STARD8: variants seen among roughly 807,000 people sequenced by gnomAD.
STARD8 encodes StAR related lipid transfer domain containing 8, also known as stAR-related lipid transfer protein 8.
STARD8 carries 25 observed loss-of-function variants against 69.4 expected under a neutral mutation model. The ratio of observed to expected loss-of-function variants is 0.36; its 90% CI spans 0.26 to 0.50. The LOEUF is 0.50. Ranked by LOEUF, STARD8 falls within the 20% of genes least tolerant of loss-of-function variation. The probability of loss-of-function intolerance (pLI) is 0.96; values close to 1 mark genes in which losing one functional copy is unlikely to be tolerated. For synonymous variants in STARD8, 389 were observed against 374.6 expected (o/e 1.04, Z -0.45); for missense variants, 921 against 932.5 (o/e 0.99, Z 0.16).
At chrX:68,714,431 C>T (rs762377255) in intron 3 of STARD8, among the ~76,000 whole-genome samples, 113 of 112,246 alleles carry the variant, frequency 1.0e-3, no homozygotes, top group Non-Finnish European at 1.9e-3. Context: ...GGCTGCTTCT[C>T]ATCTTTCAGG....
chrX:68,700,770 G>A (rs771110373), intron 2 of STARD8, among the ~76,000 whole-genome samples: 1 of 111,812 alleles, frequency 8.9e-6, no homozygotes, highest in African/African-American at 3.3e-5. Context: ...AGGGGTCAGA[G>A]TGGAGCAGAA....
At chrX:68,650,051 T>G (rs1242894557) in intron 1 of STARD8, among the ~76,000 whole-genome samples, 7 of 111,057 alleles carry the variant, frequency 6.3e-5, no homozygotes, top group South Asian at 3.9e-4. Context: ...TTGGCATGGA[T>G]TTAAATCTCT....
At chrX:68,684,847 C>A (rs1374361818) in intron 2 of STARD8, among the ~76,000 whole-genome samples, 1 of 112,730 alleles carries the variant, frequency 8.9e-6, no homozygotes, top group Non-Finnish European at 1.9e-5. Context: ...GGTTCTGAAA[C>A]AAACTCACTG....
chrX:68,678,169 G>A (rs2079778469), intron 2 of STARD8, among the ~76,000 whole-genome samples: 1 of 111,151 alleles, frequency 9.0e-6, no homozygotes, highest in Non-Finnish European at 1.9e-5. Context: ...AGGTGGGTGG[G>A]GTCAAAGAAG....
chrX:68,712,003 G>C (rs192965406), intron 2 of STARD8, among the ~76,000 whole-genome samples: 1 of 112,855 alleles, frequency 8.9e-6, no homozygotes, highest in African/African-American at 3.2e-5. Context: ...GGGCTTTGCT[G>C]CTGGTATTTG....
At chrX:68,674,582 A>G (rs1010232724) in intron 2 of STARD8, among the ~76,000 whole-genome samples, 2 of 111,017 alleles carry the variant, frequency 1.8e-5, no homozygotes, top group Non-Finnish European at 3.8e-5. Flanking sequence ...TGCTCCATTC[A>G]TGCATCCATC....
chrX:68,684,296 G>C (rs746627653), intron 2 of STARD8, among the ~76,000 whole-genome samples: 1 of 112,534 alleles, frequency 8.9e-6, no homozygotes, highest in African/African-American at 3.2e-5. Flanking sequence ...CCAGCAACAG[G>C]GCTCTGTGAC....
chrX:68,722,643 G>A lies in STARD8; in HGVS notation c.2796G>A (p.Arg932=). 1 of 1,210,915 alleles carries A rather than the reference G, an allele frequency of 8.3e-7. No homozygotes were observed. Among genetic ancestry groups the A allele is most frequent in the Non-Finnish European group, 1.1e-6 (1 of 894,968 alleles). Residue 932 remains arginine (R), a synonymous_variant, in exon 12 of 15, where the codon AGG becomes AGA. Transcript: ENST00000374599. The part of the protein sequence containing the change: ...PGPQHTELAC[R]KAPDGHPLRL... ...CCCAGCACACGGAGCTGGCTTGCAG[G>A]AAGGTGAGTGCCACACCACGGGTGG...
At chrX:68,663,304 G>A (rs1299132023) in intron 1 of STARD8, among the ~76,000 whole-genome samples, 2 of 111,797 alleles carry the variant, frequency 1.8e-5, no homozygotes, top group Non-Finnish European at 3.8e-5. Flanking sequence ...ACCTCAGAGA[G>A]AAAAAAATAG....
chrX:68,723,641 C>G lies in STARD8; in HGVS notation c.2815C>G (p.Pro939Ala), dbSNP rs2080170735. ...TGGCTCACAGGCACCGGATGGGCACCCCCTGCGGCTATGGAAGGCATCCAC... is the reference window on the plus strand; with the variant it reads ...TGGCTCACAGGCACCGGATGGGCACGCCCTGCGGCTATGGAAGGCATCCAC... ...LACRKAPDGH[P>A]LRLWKASTEV... The change falls in exon 13 of 15, where the codon CCC (proline) becomes GCC (alanine). Residue 939 changes from proline to alanine, a missense_variant. Coordinates refer to ENST00000374599, the MANE Select transcript of STARD8 (RefSeq NM_001142503.3). The G allele has an allele frequency of 5.9e-6, 7 of 1,194,546 alleles. No individual in the cohort carries two copies. Among genetic ancestry groups the G allele is most frequent in the Middle Eastern group, 2.3e-4 (1 of 4,308 alleles).
Position 68,724,085 on chromosome X carries a change from G to A in STARD8, c.3158G>A (p.Arg1053His), listed in dbSNP as rs781687342. The A allele has an allele frequency of 5.0e-6, 6 of 1,209,850 alleles. No homozygotes were observed. Among genetic ancestry groups the A allele is most frequent in the South Asian group, 3.5e-5 (2 of 56,794 alleles). Reference sequence around the variant, plus strand: ...CTCATGGAGCCTTGCGGCTTGGGCCGCTCTCGGCTCACACACATCTGCCGG... The same window carrying A: ...CTCATGGAGCCTTGCGGCTTGGGCCACTCTCGGCTCACACACATCTGCCGG... ...QYLMEPCGLG[R>H]SRLTHICRAD... The change falls in exon 14 of 15, where the codon CGC becomes CAC. Residue 1053 changes from arginine to histidine, a missense_variant. Physicochemically the swap from Arg to His is conservative, Grantham distance 29. Coordinates refer to ENST00000374599, the MANE Select transcript of STARD8 (RefSeq NM_001142503.3).
Position 68,722,524 on chromosome X carries a change from G to A in STARD8, c.2677G>A (p.Gly893Arg). Residue 893 changes from glycine (G) to arginine (R), a missense_variant, in exon 12 of 15, where the codon GGG becomes AGG. By Grantham distance (125) the Gly-to-Arg change is moderately radical. Transcript: ENST00000374599. ...LAELRQAQAA[G>R]VSLSLYMEEN... ...TGAGCTGCGTCAGGCCCAAGCTGCA[G>A]GGGTAAGCCTGAGCCTCTACATGGA... The A allele has an allele frequency of 3.3e-6, 4 of 1,210,537 alleles. No individual in the cohort carries two copies. Among genetic ancestry groups the A allele is most frequent in the South Asian group, 3.5e-5 (2 of 56,852 alleles).
rs1435342499 is a variant in STARD8, at chrX:68,696,675, C to T, written c.80-16239C>T. On this transcript the variant is annotated intron_variant, in intron 2 of 14. Transcript: ENST00000374599. ...CAAATTCTCCGACTCTGGGTTTCTC[C>T]TCATTTTTTCCACTTCACTGGATTA... Among the ~76,000 whole-genome samples the T allele has an allele frequency of 2.3e-4, 26 of 111,487 alleles. No homozygotes were observed. In the Admixed American group the frequency reaches 2.4e-3, roughly 10 times the overall value.
chrX:68,651,506 CCT>C (rs965927049), intron 1 of STARD8, among the ~76,000 whole-genome samples: 2 of 112,233 alleles, frequency 1.8e-5, no homozygotes, highest in Non-Finnish European at 1.9e-5. Context: ...AGCCAGGCCC[CCT>C]GAGTGCGGGA....
At chrX:68,703,232 C>A (rs761136608) in intron 2 of STARD8, among the ~76,000 whole-genome samples, 9 of 112,037 alleles carry the variant, frequency 8.0e-5, no homozygotes, top group Non-Finnish European at 1.5e-4. Flanking sequence ...TACACTCCAG[C>A]CCTGGTGACA....
At chrX:68,653,743 C>A (rs1040423660) in intron 1 of STARD8, among the ~76,000 whole-genome samples, 2 of 97,369 alleles carry the variant, frequency 2.1e-5, no homozygotes, top group African/African-American at 7.5e-5. Context: ...ACACCACACG[C>A]CACACACACA....
intron 2 of STARD8, among the ~76,000 whole-genome samples, chrX:68,707,783 A>C (rs1265936149): frequency 9.0e-6 from 1 of 111,329 alleles, no homozygotes; most frequent in African/African-American, 3.3e-5. Flanking sequence ...CTTTATGGGT[A>C]GGCATGAGCA....
intron 2 of STARD8, among the ~76,000 whole-genome samples, chrX:68,684,551 G>T (rs147182552): frequency 7.1e-5 from 8 of 112,640 alleles, no homozygotes; most frequent in African/African-American, 2.6e-4. Flanking sequence ...CTCCTTTTCC[G>T]CGGGCGGCGT....
intron 1 of STARD8, among the ~76,000 whole-genome samples, chrX:68,652,845 C>A (rs1294345941): frequency 1.0e-4 from 4 of 39,681 alleles, no homozygotes; most frequent in Non-Finnish European, 1.9e-4. Flanking sequence ...ACACACACCC[C>A]CACACACCAC....
Sources: gnomAD v4.1 joint callset for allele counts (sites outside exome capture counted in the v4.1 genomes callset) on GRCh38, gnomAD v4.1.1 for gene constraint, MANE v1.5 for transcripts, NCBI Gene and HGNC (gene_info 2026-07-23, HGNC 2026-07-21) for gene names.